Variants in KLHL26 observed in about 807,000 individuals in gnomAD.
The protein encoded by KLHL26 is kelch-like protein 26.
Under a neutral mutation model 7.1 loss-of-function variants are expected in KLHL26, and 4 were observed. The observed-to-expected ratio is 0.56, with a 90% confidence interval of 0.28 to 1.28. The LOEUF (loss-of-function observed/expected upper bound fraction) is 1.28, where lower values mean the gene tolerates loss of function less well. Among genes scored for constraint, KLHL26 ranks in the 50% most tolerant of loss-of-function variants. The pLI is 0.11. For synonymous variants in KLHL26, 465 were observed against 414.1 expected (o/e 1.12, Z -1.49); for missense variants, 896 against 924.6 (o/e 0.97, Z 0.40).
rs550921259 is a variant in KLHL26 at position 18,650,812 on chromosome 19, C to T, written c.84-13449C>T. Among the ~76,000 whole-genome samples the T allele has an allele frequency of 8.5e-4, 129 of 152,326 alleles. No individual in the cohort carries two copies. The highest frequency in any genetic ancestry group is 3.0e-3 in the African/African-American group (124 of 41,586). ...GCGGACGGAGTGGAGCCGTCTGTCT[C>T]GTCACAGACAGGCGGGGCTGCGGCT... On this transcript the variant is annotated intron_variant, in intron 1 of 2. Transcript: ENST00000300976. This position sits in a 1 kb window ranked among gnomAD's most constrained non-coding sequence, Gnocchi z 4.2.
intron 1 of KLHL26, among the ~76,000 whole-genome samples, chr19:18,663,887 G>A (rs1457104465): frequency 2.0e-5 from 3 of 152,074 alleles, no homozygotes; most frequent in Admixed American, 1.3e-4. Context: ...GAAGGCTCCC[G>A]TGTGTCCTTT....
Position 18,669,621 on chromosome 19 carries a change from A to G in KLHL26, c.*376A>G. On this transcript the variant is annotated 3_prime_UTR_variant, in exon 3 of 3. Coordinates refer to ENST00000300976, the MANE Select transcript of KLHL26 (RefSeq NM_018316.3). The stretch of plus-strand genomic sequence containing the variant: ...GCCTCCCAGCCCCACGGTTTCAGGC[A>G]TTCAGATGTGAGCTCATCAACATTG... 2.2e-6 allele frequency: 1 copy of G among 458,018 alleles called. No individual in the cohort carries two copies. Among genetic ancestry groups the G allele is most frequent in the East Asian group, 3.5e-5 (1 of 28,346 alleles). 28.4% of individuals were successfully genotyped at this position (458,018 alleles called of 1,614,324 possible).
chr19:18,661,233 G>A (rs1434157282), intron 1 of KLHL26, among the ~76,000 whole-genome samples: 1 of 152,138 alleles, frequency 6.6e-6, no homozygotes, highest in Non-Finnish European at 1.5e-5. Context: ...GAGATGCCCT[G>A]CCAGTCAGCT....
rs771375049 is a variant in KLHL26 at position 18,668,813 on chromosome 19, G to A, written c.1416G>A (p.Val472=). The A allele has an allele frequency of 1.9e-6, 3 of 1,595,788 alleles. No homozygotes were observed. In the South Asian group the frequency reaches 3.3e-5, roughly 18 times the overall value. The change falls in exon 3 of 3, where the codon GTG becomes GTA. Residue 472 remains valine (V), a synonymous_variant. Transcript: ENST00000300976. ...LYISGGYGIS[V]EDKKALHCYD... ...TCTCGGGTGGCTACGGGATCTCAGT[G>A]GAGGACAAGAAGGCCCTGCACTGCT...
At chr19:18,647,736 G>A (rs759840243) in intron 1 of KLHL26, among the ~76,000 whole-genome samples, 3 of 152,196 alleles carry the variant, frequency 2.0e-5, no homozygotes, top group South Asian at 2.1e-4. Context: ...ATAATTCAGC[G>A]ACTTGGGGCC....
rs1000619013 is a variant in KLHL26 at position 18,650,661 on chromosome 19, G to A, written c.83+13524G>A. Among the ~76,000 whole-genome samples, 1 of 152,204 alleles carries A rather than the reference G, an allele frequency of 6.6e-6. No individual in the cohort carries two copies. The highest frequency in any genetic ancestry group is 1.5e-5 in the Non-Finnish European group (1 of 68,028). On this transcript the variant is annotated intron_variant, in intron 1 of 2. Coordinates refer to ENST00000300976, the MANE Select transcript of KLHL26 (RefSeq NM_018316.3). This position sits in a 1 kb window ranked among gnomAD's most constrained non-coding sequence, Gnocchi z 4.2. ...GGGTGATGTTTTCCTCGCCAAGGCT[G>A]ATGGCACCGGGCCCCTTTGCCGTTC... is the stretch of plus-strand genomic sequence containing the variant.
chr19:18,637,092 G>T lies in KLHL26; in HGVS notation c.38G>T (p.Gly13Val). The T allele has an allele frequency of 7.2e-7, 1 of 1,384,190 alleles. No individual in the cohort carries two copies. 85.7% of individuals were successfully genotyped at this position (1,384,190 alleles called of 1,614,324 possible). Reference sequence around the variant, plus strand: ...GGCGGTAGCAGCGGTGGTGCTGGTGGCGGCGGCGCTTTCGGCGCGGGCCCG... The same window carrying T: ...GGCGGTAGCAGCGGTGGTGCTGGTGTCGGCGGCGCTTTCGGCGCGGGCCCG... ...ESGGSSGGAGGGGAFGAGPGP... is the reference protein window; with the variant it reads ...ESGGSSGGAGVGGAFGAGPGP... The change falls in exon 1 of 3, where the codon GGC (glycine) becomes GTC (valine). Residue 13 changes from glycine (G) to valine (V), a missense_variant. Transcript: ENST00000300976.
Position 18,668,360 on chromosome 19 carries a change from C to T in KLHL26, c.963C>T (p.Asp321=). The part of the protein sequence containing the change: ...LVTFGGTPYT[D]SDRSVSSKVY... The stretch of plus-strand genomic sequence containing the variant: ...CCTTCGGCGGCACGCCCTACACCGA[C>T]AGCGACCGCTCGGTCAGCAGCAAGG... Residue 321 remains aspartate (D), a synonymous_variant, in exon 3 of 3, where the codon GAC becomes GAT. Transcript: ENST00000300976. 6.2e-7 allele frequency: 1 copy of T among 1,607,718 alleles called. No individual in the cohort carries two copies. Among genetic ancestry groups the T allele is most frequent in the East Asian group, 2.2e-5 (1 of 44,822 alleles).
intron 1 of KLHL26, among the ~76,000 whole-genome samples, chr19:18,655,605 G>A (rs1349935008): frequency 6.6e-6 from 1 of 150,754 alleles, no homozygotes; most frequent in Non-Finnish European, 1.5e-5. Flanking sequence ...CACAGACTGG[G>A]TGCTCCCTCG....
Position 18,669,350 on chromosome 19 carries a change from T to G in KLHL26, c.*105T>G. Reference sequence around the variant, plus strand: ...CCCCAGTGCCCCCCTTCGCCCGGGCTGCCCTTGAGGGGCCTGCTGCGTTGA... The same window carrying G: ...CCCCAGTGCCCCCCTTCGCCCGGGCGGCCCTTGAGGGGCCTGCTGCGTTGA... On this transcript the variant is annotated 3_prime_UTR_variant, in exon 3 of 3. Transcript: ENST00000300976. The G allele has an allele frequency of 2.2e-6, 2 of 894,500 alleles. No homozygotes were observed. The highest frequency in any genetic ancestry group is 3.5e-6 in the Non-Finnish European group (2 of 577,572). The allele number at this position is 894,500 out of a possible 1,614,324, so 55.4% of individuals were successfully genotyped here.
At position 18,667,881 on chromosome 19, in the gene KLHL26, G is replaced by A. The variant is rs777837649; in HGVS notation, c.484G>A (p.Val162Met). The change falls in exon 3 of 3, where the codon GTG (valine) becomes ATG (methionine). Residue 162 changes from valine (V) to methionine (M), a missense_variant. Coordinates refer to ENST00000300976, the MANE Select transcript of KLHL26 (RefSeq NM_018316.3). ...CEEFLKAAMS[V>M]ETCLNIGQMA... The stretch of plus-strand genomic sequence containing the variant: ...GGAGTTCCTGAAGGCGGCCATGAGC[G>A]TGGAGACCTGCCTCAACATCGGCCA... The A allele has an allele frequency of 3.1e-6, 5 of 1,612,650 alleles. No homozygotes were observed. The highest frequency in any genetic ancestry group is 2.2e-5 in the East Asian group (1 of 44,882).
Position 18,667,696 on chromosome 19 carries a change from G to A in KLHL26, c.299G>A (p.Ser100Asn). 6.2e-7 allele frequency: 1 copy of A among 1,612,822 alleles called. No homozygotes were observed. The highest frequency in any genetic ancestry group is 8.5e-7 in the Non-Finnish European group (1 of 1,179,852). ...TTCACCGGCGGCATGCGGGAGGCAA[G>A]CCAGGACGTCATCGAGCTGAAGGGC... ...AMFTGGMREASQDVIELKGVS... is the reference protein window; with the variant it reads ...AMFTGGMREANQDVIELKGVS... Residue 100 changes from serine to asparagine, a missense_variant, in exon 3 of 3, where the codon AGC becomes AAC. Ser to Asn is a conservative substitution (Grantham distance 46, BLOSUM62 1). Transcript: ENST00000300976.
At chr19:18,665,682 A>C (rs1221754742) in intron 2 of KLHL26, among the ~76,000 whole-genome samples, 1 of 152,216 alleles carries the variant, frequency 6.6e-6, no homozygotes, top group Non-Finnish European at 1.5e-5. Flanking sequence ...CGGAAGTGAG[A>C]GCACCACAGA....
Position 18,669,557 on chromosome 19 carries a change from C to T in KLHL26, c.*312C>T. On this transcript the variant is annotated 3_prime_UTR_variant, in exon 3 of 3. Coordinates refer to ENST00000300976, the MANE Select transcript of KLHL26 (RefSeq NM_018316.3). Reference sequence around the variant, plus strand: ...GGCTGGCGGGTGGAATCCCAGGTCTCCAGGGGGTCCCTGTGCAGCTCCATC... The same window carrying T: ...GGCTGGCGGGTGGAATCCCAGGTCTTCAGGGGGTCCCTGTGCAGCTCCATC... The T allele has an allele frequency of 1.8e-6, 1 of 558,124 alleles. No homozygotes were observed. The highest frequency in any genetic ancestry group is 3.2e-6 in the Non-Finnish European group (1 of 317,008). 34.6% of individuals were successfully genotyped at this position (558,124 alleles called of 1,614,324 possible).
At position 18,668,917 on chromosome 19, in the gene KLHL26, G is replaced by C; in HGVS notation, c.1520G>C (p.Gly507Ala). ...GTGCTACACGCCATGGTGGGTGCCG[G>C]CGGCCGCATCTATGCCCTCGGGGGC... ...PRVLHAMVGA[G>A]GRIYALGGRM... Residue 507 changes from glycine to alanine, a missense_variant, in exon 3 of 3, where the codon GGC becomes GCC. Physicochemically the swap from Gly to Ala is moderately conservative, Grantham distance 60. Coordinates refer to ENST00000300976, the MANE Select transcript of KLHL26 (RefSeq NM_018316.3). The C allele has an allele frequency of 6.2e-7, 1 of 1,606,170 alleles. No individual in the cohort carries two copies. Among genetic ancestry groups the C allele is most frequent in the Non-Finnish European group, 8.5e-7 (1 of 1,179,672 alleles).
intron 1 of KLHL26, among the ~76,000 whole-genome samples, chr19:18,644,191 C>T (rs183108788): frequency 1.3e-5 from 2 of 152,342 alleles, no homozygotes; most frequent in Admixed American, 1.3e-4. Flanking sequence ...TTCTTTCACT[C>T]AGCATGATGC....
intron 1 of KLHL26, among the ~76,000 whole-genome samples, chr19:18,642,103 A>G (rs1976722566): frequency 1.3e-5 from 2 of 152,186 alleles, no homozygotes; most frequent in Admixed American, 6.5e-5. Flanking sequence ...GATTGGTACA[A>G]GACATTCTCC....
At chr19:18,662,882 C>T (rs887941952) in intron 1 of KLHL26, among the ~76,000 whole-genome samples, 4 of 152,002 alleles carry the variant, frequency 2.6e-5, no homozygotes, top group Non-Finnish European at 5.9e-5. Context: ...GGGAGGTAAG[C>T]GTCCCTTCCA....
Position 18,646,306 on chromosome 19 carries a change from G to C in KLHL26, c.83+9169G>C, listed in dbSNP as rs985922665. ...CTGGCTAGTTTTTGTATTTTTAGGA[G>C]AGATGGGGTTTCATCATGTTGGCCA... On this transcript the variant is annotated intron_variant, in intron 1 of 2. Coordinates refer to ENST00000300976, the MANE Select transcript of KLHL26 (RefSeq NM_018316.3). This position sits in a 1 kb window ranked among gnomAD's most constrained non-coding sequence, Gnocchi z 5.0. Among the ~76,000 whole-genome samples, 36 of 152,084 alleles carry C rather than the reference G, an allele frequency of 2.4e-4. No individual in the cohort carries two copies. Among genetic ancestry groups the C allele is most frequent in the African/African-American group, 8.0e-4 (33 of 41,424 alleles).
Sources: gnomAD v4.1 joint callset for allele counts (sites outside exome capture counted in the v4.1 genomes callset) on GRCh38, gnomAD v4.1.1 for gene constraint, Gnocchi (gnomAD v3.1) non-coding constraint, MANE v1.5 for transcripts, NCBI Gene and HGNC (gene_info 2026-07-23, HGNC 2026-07-21) for gene names.